ADORA2B: variants seen among roughly 807,000 people sequenced by gnomAD.
The protein encoded by ADORA2B is adenosine receptor A2b.
ADORA2B carries 18 observed loss-of-function variants against 20.8 expected under a neutral mutation model. That is an observed-to-expected ratio of 0.87 (90% confidence interval 0.60 to 1.29). The LOEUF is 1.29. ADORA2B is among the 50% of genes most tolerant of loss of function. The pLI, the probability that ADORA2B is intolerant of heterozygous loss-of-function variation, is 0.00. For synonymous variants in ADORA2B, 179 were observed against 178.3 expected, an observed-to-expected ratio of 1.00 and a Z score of -0.03; for missense variants, 441 against 422.7, an observed-to-expected ratio of 1.04 and a Z score of -0.38.
the ADORA2B span, among the ~76,000 whole-genome samples, chr17:15,901,424 A>G: frequency 6.6e-6 from 1 of 151,724 alleles, no homozygotes; most frequent in South Asian, 2.1e-4. Flanking sequence ...AGATCACACC[A>G]TTGCACTCCA....
chr17:15,919,670 G>A, the ADORA2B span, among the ~76,000 whole-genome samples: 1,490 of 152,178 alleles, frequency 9.8e-3, 33 homozygotes, highest in African/African-American at 0.034. Flanking sequence ...TGTTGCAAGG[G>A]TTGAGCCTCC....
At chr17:15,935,049 C>T in the ADORA2B span, among the ~76,000 whole-genome samples, 7 of 152,120 alleles carry the variant, frequency 4.6e-5, no homozygotes, top group South Asian at 2.1e-4. Flanking sequence ...CCAAACGATC[C>T]GCACACTCTG....
Position 15,945,509 on chromosome 17 carries a change from G to A in ADORA2B, c.261G>A (p.Val87=). The change falls in exon 1 of 2, where the codon GTG becomes GTA. Residue 87 remains valine, a synonymous_variant. Coordinates refer to ENST00000304222, the MANE Select transcript of ADORA2B (RefSeq NM_000676.4). ...GCLFLACFVL[V]LTQSSIFSLL... ...TCTTCCTCGCCTGCTTCGTGCTGGT[G>A]CTCACGCAGAGCTCCATCTTCAGCC... is the stretch of plus-strand genomic sequence containing the variant. The A allele has an allele frequency of 6.2e-7, 1 of 1,609,458 alleles. No individual in the cohort carries two copies. The highest frequency in any genetic ancestry group is 8.5e-7 in the Non-Finnish European group (1 of 1,178,674).
chr17:15,927,377 G>A, the ADORA2B span, among the ~76,000 whole-genome samples: 1 of 152,254 alleles, frequency 6.6e-6, no homozygotes, highest in African/African-American at 2.4e-5. Context: ...CAGCTACTCA[G>A]GAGGCTGAGG....
the ADORA2B span, among the ~76,000 whole-genome samples, chr17:15,877,247 C>CCA: frequency 6.6e-6 from 1 of 152,164 alleles, no homozygotes; most frequent in Non-Finnish European, 1.5e-5. Flanking sequence ...GATTCTATCA[C>CCA]CAAATCTCCC....
the ADORA2B span, among the ~76,000 whole-genome samples, chr17:15,850,830 C>T: frequency 6.6e-6 from 1 of 152,138 alleles, no homozygotes; most frequent in Non-Finnish European, 1.5e-5. Flanking sequence ...TAGTCCAACA[C>T]TTACTCATTT....
At chr17:15,951,706 T>C (rs1969904245) in intron 1 of ADORA2B, among the ~76,000 whole-genome samples, 1 of 152,200 alleles carries the variant, frequency 6.6e-6, no homozygotes, top group Non-Finnish European at 1.5e-5. Context: ...AGAGGATACC[T>C]GAAGGCCCTC....
Position 15,974,785 on chromosome 17 carries a change from G to C in ADORA2B, c.442G>C (p.Asp148His). The change falls in exon 2 of 2, where the codon GAC becomes CAC. Residue 148 changes from aspartate to histidine, a missense_variant. Asp to His is a moderately conservative substitution (Grantham distance 81). Coordinates refer to ENST00000304222, the MANE Select transcript of ADORA2B (RefSeq NM_000676.4). ...TCCATTCCTGGGGTGGAACAGTAAA[G>C]ACAGTGCCACCAACAACTGCACAGA... ...LTPFLGWNSK[D>H]SATNNCTEPW... The C allele has an allele frequency of 1.2e-5, 19 of 1,613,658 alleles. No homozygotes were observed. The highest frequency in any genetic ancestry group is 1.7e-5 in the Admixed American group (1 of 59,956).
the ADORA2B span, among the ~76,000 whole-genome samples, chr17:15,854,017 A>G: frequency 1.3e-5 from 2 of 152,194 alleles, 1 homozygote; most frequent in South Asian, 4.1e-4. Context: ...GTGCAATGGC[A>G]CGATCCTGGC....
chr17:15,881,769 A>G, the ADORA2B span, among the ~76,000 whole-genome samples: 1 of 152,196 alleles, frequency 6.6e-6, no homozygotes, highest in Admixed American at 6.5e-5. Flanking sequence ...CTGCTTCTGC[A>G]TCCATCTGTC....
chr17:15,909,950 T>A, the ADORA2B span, among the ~76,000 whole-genome samples: 1 of 152,196 alleles, frequency 6.6e-6, no homozygotes, highest in Non-Finnish European at 1.5e-5. Context: ...AAGTGCTGGA[T>A]CTGGCCCGGG....
At chr17:15,954,641 C>T (rs1969944723) in intron 1 of ADORA2B, among the ~76,000 whole-genome samples, 1 of 152,190 alleles carries the variant, frequency 6.6e-6, no homozygotes, top group African/African-American at 2.4e-5. Context: ...ATGGCTCGCA[C>T]CTGTAATCCC....
intron 1 of ADORA2B, among the ~76,000 whole-genome samples, chr17:15,966,773 G>A (rs1445743297): frequency 1.3e-5 from 2 of 152,224 alleles, no homozygotes; most frequent in Non-Finnish European, 2.9e-5. Context: ...GCCTGCAAAG[G>A]CTGGGATTGT....
At chr17:15,890,929 C>G in the ADORA2B span, among the ~76,000 whole-genome samples, 1 of 152,324 alleles carries the variant, frequency 6.6e-6, no homozygotes, top group African/African-American at 2.4e-5. Context: ...CGAGGCCACT[C>G]AAGGTTTACC....
intron 1 of ADORA2B, among the ~76,000 whole-genome samples, chr17:15,953,546 G>GC (rs2151596813): frequency 6.6e-6 from 1 of 152,324 alleles, no homozygotes; most frequent in Non-Finnish European, 1.5e-5. Context: ...GAACCGCCAG[G>GC]CCCGTGGCTC....
At chr17:15,893,130 G>T in the ADORA2B span, among the ~76,000 whole-genome samples, 1 of 152,120 alleles carries the variant, frequency 6.6e-6, no homozygotes, top group Admixed American at 6.6e-5. Context: ...GACTTTTGCT[G>T]CATTGAGGGA....
chr17:15,885,643 G>C, the ADORA2B span, among the ~76,000 whole-genome samples: 5 of 151,932 alleles, frequency 3.3e-5, no homozygotes, highest in Non-Finnish European at 5.9e-5. Flanking sequence ...GAACCTGGGA[G>C]GCAGAGGTTG....
chr17:15,896,578 T>C, the ADORA2B span, among the ~76,000 whole-genome samples: 3 of 152,246 alleles, frequency 2.0e-5, no homozygotes, highest in African/African-American at 7.2e-5. Context: ...TGAGTTAGTA[T>C]GTGTTCACCT....
intron 1 of ADORA2B, among the ~76,000 whole-genome samples, chr17:15,961,914 C>T (rs1221357557): frequency 6.6e-6 from 1 of 152,224 alleles, no homozygotes; most frequent in African/African-American, 2.4e-5. Flanking sequence ...TCTTAAAGGT[C>T]ACACCTCTCA....
Sources: gnomAD v4.1 joint callset for allele counts (sites outside exome capture counted in the v4.1 genomes callset) on GRCh38, gnomAD v4.1.1 for gene constraint, MANE v1.5 for transcripts, NCBI Gene and HGNC (gene_info 2026-07-23, HGNC 2026-07-21) for gene names.